Variants in LRRC37A2 observed in about 807,000 individuals in gnomAD.
The protein encoded by LRRC37A2 is leucine rich repeat containing 37 member A2.
A neutral mutation model predicts 68.8 loss-of-function variants in LRRC37A2; 9 were observed. The observed-to-expected ratio is 0.13, with a 90% CI of 0.08 to 0.23. LRRC37A2 has a LOEUF of 0.23. Among genes scored for constraint, LRRC37A2 ranks in the 10% least tolerant of loss-of-function variants. The probability of loss-of-function intolerance (pLI) is 1.00; values close to 1 mark genes in which losing one functional copy is unlikely to be tolerated. For missense variants in LRRC37A2, 168 were observed against 950.4 expected (o/e 0.18, Z 10.82); for synonymous variants, 63 against 367.6 (o/e 0.17, Z 9.48).
At chr17:46,992,645 G>C in the LRRC37A2 span, among the ~76,000 whole-genome samples, 2 of 151,950 alleles carry the variant, frequency 1.3e-5, no homozygotes, top group African/African-American at 4.8e-5. Flanking sequence ...CTGAGGTCAG[G>C]AGTTTGAGAC....
chr17:46,826,264 G>A, the LRRC37A2 span, among the ~76,000 whole-genome samples: 1 of 152,250 alleles, frequency 6.6e-6, no homozygotes, highest in South Asian at 2.1e-4. Context: ...TGGGACCTCA[G>A]GGTGGCCAGC....
the LRRC37A2 span, among the ~76,000 whole-genome samples, chr17:46,675,637 AACAC>A: frequency 1.1e-4 from 14 of 130,128 alleles, no homozygotes; most frequent in South Asian, 1.7e-3. Context: ...TCATAAGGAA[AACAC>A]ACACACACAC....
chr17:46,789,376 G>A, the LRRC37A2 span, among the ~76,000 whole-genome samples: 1 of 152,200 alleles, frequency 6.6e-6, no homozygotes, highest in African/African-American at 2.4e-5. Context: ...ATCACTTGGG[G>A]TGGTTTTGAA....
chr17:46,758,976 C>T, the LRRC37A2 span, among the ~76,000 whole-genome samples: 28 of 152,228 alleles, frequency 1.8e-4, no homozygotes, highest in African/African-American at 6.5e-4. Context: ...GAGGCTGAGG[C>T]GGGCAATCAC....
intron 6 of LRRC37A2, among the ~76,000 whole-genome samples, chr17:46,525,619 T>TAATAA (rs1491048563): frequency 9.0e-6 from 1 of 110,788 alleles, no homozygotes; most frequent in African/African-American, 3.0e-5. Flanking sequence ...ATAATAATCA[T>TAATAA]CATCATCATC....
At chr17:46,490,599 C>T in the LRRC37A2 span, among the ~76,000 whole-genome samples, 4 of 150,158 alleles carry the variant, frequency 2.7e-5, 1 homozygote, top group African/African-American at 1.0e-4. Flanking sequence ...TGGTAGGCGC[C>T]TGTAGTCCCA....
At chr17:47,000,091 T>TAAAATAA in the LRRC37A2 span, among the ~76,000 whole-genome samples, 2 of 62,606 alleles carry the variant, frequency 3.2e-5, no homozygotes, top group African/African-American at 1.0e-4. Flanking sequence ...TAAAATAAAA[T>TAAAATAA]AAAATAAAAT....
chr17:46,843,511 C>A, the LRRC37A2 span, among the ~76,000 whole-genome samples: 1 of 152,184 alleles, frequency 6.6e-6, no homozygotes, highest in African/African-American at 2.4e-5. Flanking sequence ...GCTACCTCTT[C>A]CCTGGAACAA....
the LRRC37A2 span, among the ~76,000 whole-genome samples, chr17:46,868,620 CAAAAA>C: frequency 6.6e-6 from 1 of 151,152 alleles, no homozygotes; most frequent in Non-Finnish European, 1.5e-5. Context: ...CAAAACAAAA[CAAAAA>C]CACCAAAATA....
chr17:47,045,334 C>CA, the LRRC37A2 span, among the ~76,000 whole-genome samples: 1 of 148,410 alleles, frequency 6.7e-6, no homozygotes, highest in African/African-American at 2.4e-5. Flanking sequence ...AAAGGCCCCC[C>CA]ACAACCTCTG....
At chr17:46,501,651 C>T in the LRRC37A2 span, among the ~76,000 whole-genome samples, 1 of 151,192 alleles carries the variant, frequency 6.6e-6, no homozygotes, top group Non-Finnish European at 1.5e-5. Flanking sequence ...TGTAGAAATC[C>T]TATTCCATGT....
At chr17:46,881,836 A>C in the LRRC37A2 span, among the ~76,000 whole-genome samples, 2 of 152,230 alleles carry the variant, frequency 1.3e-5, no homozygotes, top group African/African-American at 4.8e-5. Flanking sequence ...TGCAGACACC[A>C]AGACACTTAC....
the LRRC37A2 span, among the ~76,000 whole-genome samples, chr17:46,824,711 T>C: frequency 2.6e-5 from 4 of 152,198 alleles, no homozygotes; most frequent in South Asian, 2.1e-4. Context: ...CTGTTGATGA[T>C]GGGCCCAGAG....
chr17:46,398,325 A>G, the LRRC37A2 span, among the ~76,000 whole-genome samples: 1 of 151,656 alleles, frequency 6.6e-6, no homozygotes, highest in African/African-American at 2.4e-5. Flanking sequence ...TGTTAAAATA[A>G]TGCTGTAGGG....
the LRRC37A2 span, among the ~76,000 whole-genome samples, chr17:46,750,486 G>A: frequency 2.6e-4 from 40 of 152,300 alleles, no homozygotes; most frequent in African/African-American, 8.7e-4. Flanking sequence ...TCCTTTGAAT[G>A]TCATGTTGGC....
chr17:47,014,350 A>G, the LRRC37A2 span, among the ~76,000 whole-genome samples: 2 of 151,004 alleles, frequency 1.3e-5, no homozygotes, highest in African/African-American at 4.9e-5. Flanking sequence ...AGATCATGCC[A>G]CTGCACTCCA....
At chr17:46,532,100 C>T (rs1288703175) in intron 6 of LRRC37A2, among the ~76,000 whole-genome samples, 2 of 150,328 alleles carry the variant, frequency 1.3e-5, no homozygotes, top group East Asian at 1.9e-4. Context: ...GGTTTCAGCA[C>T]GTTTATCAGG....
chr17:47,012,073 T>C, the LRRC37A2 span, among the ~76,000 whole-genome samples: 2 of 152,232 alleles, frequency 1.3e-5, no homozygotes, highest in South Asian at 2.1e-4. Flanking sequence ...CATCCGATGA[T>C]GATTCTTGCT....
chr17:46,816,433 T>C, the LRRC37A2 span, among the ~76,000 whole-genome samples: 3 of 146,022 alleles, frequency 2.1e-5, no homozygotes, highest in East Asian at 6.4e-4. Context: ...GACACACTGG[T>C]GTATAGAAAA....
Sources: gnomAD v4.1 joint callset for allele counts (sites outside exome capture counted in the v4.1 genomes callset) on GRCh38, gnomAD v4.1.1 for gene constraint, MANE v1.5 for transcripts, NCBI Gene and HGNC (gene_info 2026-07-23, HGNC 2026-07-21) for gene names.